Variants in CSMD1 observed in about 807,000 individuals in gnomAD.
CSMD1 encodes CUB and Sushi multiple domains 1.
In CSMD1, 213 loss-of-function variants were observed where a neutral mutation model predicts 417.5. That is an observed-to-expected ratio of 0.51 (90% confidence interval 0.46 to 0.57). The LOEUF is 0.57. Among genes scored for constraint, CSMD1 ranks in the 20% least tolerant of loss-of-function variants. The pLI is 0.00. For missense variants in CSMD1, 6,923 were observed against 4,529.7 expected (o/e 1.53, Z -15.17); for synonymous variants, 2,862 against 1,736.8 (o/e 1.65, Z -16.11).
intron 11 of CSMD1, among the ~76,000 whole-genome samples, chr8:3,481,662 C>G (rs1294400787): frequency 6.6e-6 from 1 of 152,164 alleles, no homozygotes; most frequent in African/African-American, 2.4e-5. Context: ...CCACTAGTAT[C>G]CATATAAGAG....
intron 3 of CSMD1, among the ~76,000 whole-genome samples, chr8:4,316,822 G>A (rs1285386015): frequency 6.6e-6 from 1 of 152,072 alleles, no homozygotes; most frequent in Non-Finnish European, 1.5e-5. Context: ...TCAGCACTCG[G>A]TAAACGCAAA....
At chr8:4,284,446 G>A (rs984876189) in intron 3 of CSMD1, among the ~76,000 whole-genome samples, 5 of 129,124 alleles carry the variant, frequency 3.9e-5, no homozygotes, top group Non-Finnish European at 7.7e-5. Context: ...CCTCCACTCC[G>A]TGTTCCCTCC....
At chr8:3,321,498 G>C (rs1276341476) in intron 23 of CSMD1, among the ~76,000 whole-genome samples, 1 of 152,048 alleles carries the variant, frequency 6.6e-6, no homozygotes. Flanking sequence ...TGCTCTGCGT[G>C]TATCTAATTC....
chr8:3,453,796 G>C (rs925584457), intron 12 of CSMD1, among the ~76,000 whole-genome samples: 7 of 151,606 alleles, frequency 4.6e-5, no homozygotes, highest in Non-Finnish European at 8.9e-5. Context: ...CTATTGATTT[G>C]GGGGGGATAG....
intron 2 of CSMD1, among the ~76,000 whole-genome samples, chr8:4,509,312 C>T (rs1802696727): frequency 6.6e-6 from 1 of 151,970 alleles, no homozygotes; most frequent in Admixed American, 6.6e-5. Flanking sequence ...ATGTTTCCTC[C>T]CTACCAACCC....
At chr8:2,952,595 G>T (rs1039360440) in intron 65 of CSMD1, among the ~76,000 whole-genome samples, 1 of 152,128 alleles carries the variant, frequency 6.6e-6, no homozygotes, top group Non-Finnish European at 1.5e-5. Flanking sequence ...CTTAGCCACT[G>T]TCAGCACAAC....
At chr8:3,390,802 A>C (rs538674930) in intron 17 of CSMD1, among the ~76,000 whole-genome samples, 13 of 152,294 alleles carry the variant, frequency 8.5e-5, no homozygotes, top group African/African-American at 3.1e-4. Flanking sequence ...TGTATGAATC[A>C]ACAGTCTTTA....
chr8:3,852,446 G>A (rs548061506), intron 5 of CSMD1, among the ~76,000 whole-genome samples: 2 of 152,158 alleles, frequency 1.3e-5, no homozygotes, highest in Non-Finnish European at 2.9e-5. Context: ...GTCGGGAAGA[G>A]GGTAGGGCTG....
intron 1 of CSMD1, among the ~76,000 whole-genome samples, chr8:4,982,105 A>C (rs1328986195): frequency 6.6e-6 from 1 of 152,162 alleles, no homozygotes; most frequent in Non-Finnish European, 1.5e-5. Flanking sequence ...CTCAGGTGGC[A>C]ATGAAGTCCC....
At chr8:3,995,683 A>C (rs1319413088) in intron 5 of CSMD1, among the ~76,000 whole-genome samples, 6 of 152,242 alleles carry the variant, frequency 3.9e-5, no homozygotes, top group Admixed American at 3.3e-4. Context: ...TAAAGAGACA[A>C]TAGTAGACAA....
At chr8:4,447,227 C>A (rs1284168948) in intron 2 of CSMD1, among the ~76,000 whole-genome samples, 1 of 152,186 alleles carries the variant, frequency 6.6e-6, no homozygotes, top group Non-Finnish European at 1.5e-5. Flanking sequence ...TGACAAAGTT[C>A]TTGCCTGATG....
In CSMD1 at chr8:4,877,233, T is replaced by C. The variant is rs529230854; in HGVS notation, c.85+117099A>G. Among the ~76,000 whole-genome samples the C allele has an allele frequency of 1.3e-4, 20 of 152,170 alleles. No homozygotes were observed. In the South Asian group the frequency reaches 3.7e-3, roughly 28 times the overall value. ...GCTGAATAAAACAGGAGCATAAATC[T>C]AAACAGATGTACATAAGAAGATCCC... On this transcript the variant is annotated intron_variant, in intron 1 of 69. Coordinates refer to ENST00000635120, the MANE Select transcript of CSMD1 (RefSeq NM_033225.6).
intron 1 of CSMD1, among the ~76,000 whole-genome samples, chr8:4,839,888 G>A (rs750747604): frequency 2.0e-5 from 3 of 152,138 alleles, no homozygotes. Context: ...TAGCTATTCT[G>A]AGGAACAACT....
chr8:3,040,190 T>C (rs1020488519), intron 50 of CSMD1, among the ~76,000 whole-genome samples: 1 of 152,112 alleles, frequency 6.6e-6, no homozygotes, highest in African/African-American at 2.4e-5. Context: ...ATCCAAACTT[T>C]ATGTTCTGTT....
At chr8:4,950,896 A>G (rs933102449) in intron 1 of CSMD1, among the ~76,000 whole-genome samples, 25 of 152,098 alleles carry the variant, frequency 1.6e-4, no homozygotes, top group African/African-American at 6.0e-4. Context: ...TGGCAAACAA[A>G]TGTACTTGTT....
intron 37 of CSMD1, among the ~76,000 whole-genome samples, chr8:3,179,317 C>T (rs1246398413): frequency 6.6e-6 from 1 of 152,010 alleles, no homozygotes; most frequent in African/African-American, 2.4e-5. Context: ...AACTGAATGG[C>T]ATAAACTATC....
intron 3 of CSMD1, among the ~76,000 whole-genome samples, chr8:4,242,301 A>T (rs1802449606): frequency 6.6e-6 from 1 of 152,200 alleles, no homozygotes; most frequent in African/African-American, 2.4e-5. Context: ...TGGAAAATTC[A>T]TAGTAGTGTA....
At chr8:4,943,108 A>C (rs1427255457) in intron 1 of CSMD1, among the ~76,000 whole-genome samples, 1 of 152,206 alleles carries the variant, frequency 6.6e-6, no homozygotes, top group Admixed American at 6.5e-5. Flanking sequence ...TAGATTTTAC[A>C]ATTTGAAGGA....
At chr8:4,345,478 A>G (rs746967275) in intron 3 of CSMD1, among the ~76,000 whole-genome samples, 7 of 152,114 alleles carry the variant, frequency 4.6e-5, no homozygotes, top group Non-Finnish European at 8.8e-5. Context: ...ATCAAACTAC[A>G]AAGCTTTTAT....
Sources: gnomAD v4.1 joint callset for allele counts (sites outside exome capture counted in the v4.1 genomes callset) on GRCh38, gnomAD v4.1.1 for gene constraint, MANE v1.5 for transcripts, NCBI Gene and HGNC (gene_info 2026-07-23, HGNC 2026-07-21) for gene names.